The following ANKS1B variants were observed in gnomAD, a reference collection of about 807,000 sequenced individuals.
The protein encoded by ANKS1B is ankyrin repeat and sterile alpha motif domain containing 1B.
ANKS1B carries 36 observed loss-of-function variants against 148.3 expected under a neutral mutation model. That is an observed-to-expected ratio of 0.24 (90% CI 0.19 to 0.32). The LOEUF (loss-of-function observed/expected upper bound fraction) is 0.32. Ranked by LOEUF, ANKS1B falls within the 10% of genes least tolerant of loss-of-function variation. The probability of loss-of-function intolerance (pLI) is 1.00; values close to 1 mark genes in which losing one functional copy is unlikely to be tolerated. For synonymous variants in ANKS1B, 542 were observed against 560.8 expected (o/e 0.97, Z 0.47); for missense variants, 1,157 against 1,542.6 (o/e 0.75, Z 4.19).
intron 17 of ANKS1B, among the ~76,000 whole-genome samples, chr12:99,009,888 A>G (rs904598063): frequency 6.6e-6 from 1 of 152,084 alleles, no homozygotes; most frequent in Non-Finnish European, 1.5e-5. Flanking sequence ...GTGAATTAAA[A>G]CCAGAATCCT....
chr12:99,368,346 C>A (rs1051895141), intron 12 of ANKS1B, among the ~76,000 whole-genome samples: 1 of 151,926 alleles, frequency 6.6e-6, no homozygotes, highest in Non-Finnish European at 1.5e-5. Flanking sequence ...AGCCATGTAA[C>A]AAACCTGCAC....
chr12:99,667,499 A>G (rs1237775501), intron 8 of ANKS1B, among the ~76,000 whole-genome samples: 1 of 152,188 alleles, frequency 6.6e-6, no homozygotes, highest in Non-Finnish European at 1.5e-5. Flanking sequence ...TAGATATTTT[A>G]GGATTTTCTA....
chr12:99,220,145 G>T (rs1489015922), intron 14 of ANKS1B, among the ~76,000 whole-genome samples: 1 of 151,930 alleles, frequency 6.6e-6, no homozygotes, highest in Non-Finnish European at 1.5e-5. Flanking sequence ...GATTAAAGGT[G>T]CATGCCACCA....
chr12:98,752,266 T>C (rs972463859), intron 25 of ANKS1B, among the ~76,000 whole-genome samples: 65 of 27,434 alleles, frequency 2.4e-3, no homozygotes, highest in African/African-American at 0.015. Context: ...TTTTTTTTCT[T>C]TTTTTTTTTT....
At chr12:99,032,465 G>A (rs548130338) in intron 17 of ANKS1B, among the ~76,000 whole-genome samples, 1 of 152,204 alleles carries the variant, frequency 6.6e-6, no homozygotes, top group East Asian at 1.9e-4. Context: ...GCAGCATCAC[G>A]CCAATCTTCG....
At chr12:99,234,494 C>T (rs1383845949) in intron 14 of ANKS1B, among the ~76,000 whole-genome samples, 2 of 152,156 alleles carry the variant, frequency 1.3e-5, no homozygotes, top group Non-Finnish European at 2.9e-5. Context: ...AGCTGACATT[C>T]TAAGATTCTT....
chr12:99,892,982 T>C lies in ANKS1B; in HGVS notation c.135-67593A>G, dbSNP rs972752526. On this transcript the variant is annotated intron_variant, in intron 1 of 26. Transcript: ENST00000683438. ...GCTGACATTAGAGGACCCCCCACCA[T>C]GTCTGCTCACTCCACAGTAATAAGC... Among the ~76,000 whole-genome samples the C allele has an allele frequency of 1.6e-4, 24 of 152,276 alleles. No homozygotes were observed. The South Asian group carries it at 5.0e-3, about 32-fold the overall frequency.
chr12:99,347,642 G>T (rs1411644745), intron 12 of ANKS1B, among the ~76,000 whole-genome samples: 1 of 151,850 alleles, frequency 6.6e-6, no homozygotes, highest in African/African-American at 2.4e-5. Context: ...GACCACAGAG[G>T]ATAAAAAATA....
rs529440040 is a variant in ANKS1B, at chr12:99,623,482, G to GGT, written c.1272+31584_1272+31585insAC. ...CAAACTCTCTTCTTACTGACGATAT[G>GGT]ATCCTATACCTAGAATACCCTAAAG... is the stretch of plus-strand genomic sequence containing the variant. On this transcript the variant is annotated intron_variant, in intron 9 of 26. Coordinates refer to ENST00000683438, the MANE Select transcript of ANKS1B (RefSeq NM_001352186.2). Among the ~76,000 whole-genome samples, 6 of 152,024 alleles carry GGT rather than the reference G, an allele frequency of 3.9e-5. No homozygotes were observed. In the East Asian group the frequency reaches 1.2e-3, roughly 29 times the overall value.
At chr12:99,466,256 A>G (rs1442416442) in intron 10 of ANKS1B, among the ~76,000 whole-genome samples, 2 of 152,242 alleles carry the variant, frequency 1.3e-5, no homozygotes, top group African/African-American at 4.8e-5. Context: ...CAAAGACACA[A>G]CATACCAGAA....
At chr12:99,637,654 T>A (rs2098252291) in intron 9 of ANKS1B, among the ~76,000 whole-genome samples, 1 of 152,018 alleles carries the variant, frequency 6.6e-6, no homozygotes, top group Admixed American at 6.6e-5. Flanking sequence ...TCATGCTGGA[T>A]GCTTCCTGCC....
intron 14 of ANKS1B, among the ~76,000 whole-genome samples, chr12:99,201,795 C>T (rs1304772204): frequency 6.6e-6 from 1 of 152,174 alleles, no homozygotes; most frequent in Non-Finnish European, 1.5e-5. Context: ...GTTTATTTTA[C>T]AGTTTATGCT....
intron 8 of ANKS1B, among the ~76,000 whole-genome samples, chr12:99,677,518 T>G (rs1041408540): frequency 2.0e-5 from 3 of 152,182 alleles, no homozygotes; most frequent in Admixed American, 6.5e-5. Flanking sequence ...GTAATTAGAT[T>G]CTCTTTTAAA....
chr12:99,922,951 A>G (rs1270892305), intron 1 of ANKS1B, among the ~76,000 whole-genome samples: 6 of 151,812 alleles, frequency 4.0e-5, no homozygotes, highest in African/African-American at 1.5e-4. Context: ...AAAAAAAAAA[A>G]TTCTTTTCCT....
chr12:98,748,858 A>T (rs549221789), intron 26 of ANKS1B, among the ~76,000 whole-genome samples: 5 of 152,228 alleles, frequency 3.3e-5, no homozygotes, highest in Admixed American at 1.3e-4. Flanking sequence ...AAGGTCAGAT[A>T]GAGGCACCTG....
intron 17 of ANKS1B, among the ~76,000 whole-genome samples, chr12:99,008,262 G>A (rs969335647): frequency 1.3e-5 from 2 of 152,006 alleles, no homozygotes; most frequent in Non-Finnish European, 2.9e-5. Flanking sequence ...AAAGCATCGA[G>A]ATGTTTCTCT....
chr12:99,313,556 A>G (rs1191025378), intron 12 of ANKS1B, among the ~76,000 whole-genome samples: 1 of 152,162 alleles, frequency 6.6e-6, no homozygotes, highest in Non-Finnish European at 1.5e-5. Context: ...GCACATCAAA[A>G]AGCTTAGCCA....
chr12:99,760,846 A>G (rs1180630995), intron 8 of ANKS1B, among the ~76,000 whole-genome samples: 1 of 151,492 alleles, frequency 6.6e-6, no homozygotes, highest in Non-Finnish European at 1.5e-5. Context: ...CACAATCAGA[A>G]ATGGCAAAGG....
intron 17 of ANKS1B, among the ~76,000 whole-genome samples, chr12:99,034,833 G>A (rs1392877150): frequency 6.6e-6 from 1 of 152,200 alleles, no homozygotes; most frequent in African/African-American, 2.4e-5. Context: ...GTGCAGAGGT[G>A]AGCACGTGTT....
Sources: gnomAD v4.1 joint callset for allele counts (sites outside exome capture counted in the v4.1 genomes callset) on GRCh38, gnomAD v4.1.1 for gene constraint, MANE v1.5 for transcripts, NCBI Gene and HGNC (gene_info 2026-07-23, HGNC 2026-07-21) for gene names.